The following NR3C2 variants were observed in gnomAD, a reference collection of about 807,000 sequenced individuals.
The protein encoded by NR3C2 is nuclear receptor subfamily 3 group C member 2.
A neutral mutation model predicts 86.4 loss-of-function variants in NR3C2; 15 were observed. That is an observed-to-expected ratio of 0.17 (90% CI 0.12 to 0.27). NR3C2 has a LOEUF of 0.27. Ranked by LOEUF, NR3C2 falls within the 10% of genes least tolerant of loss-of-function variation. The pLI is 1.00. For missense variants in NR3C2, 960 were observed against 1,195.6 expected (o/e 0.80, Z 2.91); for synonymous variants, 458 against 450.5 (o/e 1.02, Z -0.21).
intron 4 of NR3C2, among the ~76,000 whole-genome samples, chr4:148,176,712 C>A (rs1354264276): frequency 2.0e-5 from 3 of 152,144 alleles, no homozygotes; most frequent in Non-Finnish European, 4.4e-5. Flanking sequence ...GCAAGGCCAG[C>A]GCCTACCTTC....
intron 2 of NR3C2, among the ~76,000 whole-genome samples, chr4:148,422,100 A>AT (rs1749310433): frequency 6.6e-6 from 1 of 151,986 alleles, no homozygotes; most frequent in African/African-American, 2.4e-5. Flanking sequence ...GAATCCATTA[A>AT]TTTTTTCAGT....
At chr4:148,206,638 G>T (rs1477763757) in intron 3 of NR3C2, among the ~76,000 whole-genome samples, 3 of 152,170 alleles carry the variant, frequency 2.0e-5, no homozygotes, top group Non-Finnish European at 4.4e-5. Flanking sequence ...TTTGTATATG[G>T]TTATTTTATC....
rs570043057 is a variant in NR3C2, at chr4:148,079,500, A to ATAAT, written c.*1840_*1843dup. 4 of 152,748 alleles carry ATAAT rather than the reference A, an allele frequency of 2.6e-5. No individual in the cohort carries two copies. The South Asian group carries it at 8.3e-4, about 32-fold the overall frequency. The allele number at this position is 152,748 out of a possible 1,614,324, so 9.5% of individuals were successfully genotyped here. On this transcript the variant is annotated 3_prime_UTR_variant, in exon 9 of 9. Transcript: ENST00000358102. The stretch of plus-strand genomic sequence containing the variant: ...AGCTACAGCTTTTAGATTTTGGAAA[A>ATAAT]TAATTAATATGATTTCACTGAGTAA...
intron 2 of NR3C2, among the ~76,000 whole-genome samples, chr4:148,280,899 C>A (rs1407896226): frequency 6.6e-6 from 1 of 152,188 alleles, no homozygotes; most frequent in African/African-American, 2.4e-5. Flanking sequence ...AATGTGTGTA[C>A]TAATTCCTCT....
intron 2 of NR3C2, among the ~76,000 whole-genome samples, chr4:148,355,258 G>T (rs966526208): frequency 6.6e-6 from 1 of 152,068 alleles, no homozygotes; most frequent in African/African-American, 2.4e-5. Flanking sequence ...GAGATTAGAG[G>T]CCCCAAGGAA....
intron 3 of NR3C2, among the ~76,000 whole-genome samples, chr4:148,229,705 C>T (rs1485772368): frequency 2.0e-5 from 3 of 152,190 alleles, no homozygotes; most frequent in Admixed American, 6.5e-5. Context: ...AGCAAAAATA[C>T]ACCCAAATGA....
At chr4:148,444,586 G>A (rs1419996775), upstream of NR3C2, 2 of 988,198 alleles carry the variant, frequency 2.0e-6, no homozygotes, top group East Asian at 1.1e-4. Context: ...GACTCCCGCC[G>A]CCGCTGCTGC....
intron 2 of NR3C2, among the ~76,000 whole-genome samples, chr4:148,381,797 A>T (rs1747003938): frequency 6.6e-6 from 1 of 152,224 alleles, no homozygotes; most frequent in African/African-American, 2.4e-5. Context: ...TGAAAGTACC[A>T]AACCCATTTG....
chr4:148,189,502 T>G (rs1293845465), intron 4 of NR3C2, among the ~76,000 whole-genome samples: 1 of 152,174 alleles, frequency 6.6e-6, no homozygotes, highest in African/African-American at 2.4e-5. Context: ...GTAGTTTTCT[T>G]TTTTTGGTTA....
intron 2 of NR3C2, among the ~76,000 whole-genome samples, chr4:148,415,310 T>C (rs1748937773): frequency 6.6e-6 from 1 of 152,214 alleles, no homozygotes; most frequent in Non-Finnish European, 1.5e-5. Flanking sequence ...ATCATTAATA[T>C]AGAGGAGAAA....
At chr4:148,245,292 C>A (rs777211430) in intron 3 of NR3C2, among the ~76,000 whole-genome samples, 1 of 152,128 alleles carries the variant, frequency 6.6e-6, no homozygotes, top group African/African-American at 2.4e-5. Flanking sequence ...ATTACCAGAT[C>A]TTAATTTTAT....
chr4:148,438,813 TAG>T (rs1750197079), intron 1 of NR3C2, among the ~76,000 whole-genome samples: 1 of 152,176 alleles, frequency 6.6e-6, no homozygotes, highest in African/African-American at 2.4e-5. Flanking sequence ...GTTTTTACAC[TAG>T]AGTTTACCTT....
chr4:148,114,070 C>T, intron 8 of NR3C2, 34 bp downstream of exon 8: 1 of 1,611,000 alleles, frequency 6.2e-7, no homozygotes, highest in South Asian at 1.1e-5. Flanking sequence ...GTTGCTGATC[C>T]TTCACTTAGG....
intron 2 of NR3C2, among the ~76,000 whole-genome samples, chr4:148,405,874 TGG>T (rs781684986): frequency 3.8e-4 from 58 of 152,236 alleles, no homozygotes; most frequent in Non-Finnish European, 7.9e-4. Flanking sequence ...CCAGGCGTAG[TGG>T]CTCACACCTG....
chr4:148,380,157 T>C (rs1219989151), intron 2 of NR3C2, among the ~76,000 whole-genome samples: 7 of 152,228 alleles, frequency 4.6e-5, no homozygotes, highest in Non-Finnish European at 8.8e-5. Context: ...TTCACAAAGT[T>C]GTACAACTAT....
chr4:148,263,256 A>G (rs1200236032), intron 2 of NR3C2, among the ~76,000 whole-genome samples: 6 of 152,210 alleles, frequency 3.9e-5, no homozygotes, highest in Non-Finnish European at 8.8e-5. Flanking sequence ...CATGCTCAAA[A>G]CAATATTTAC....
intron 2 of NR3C2, among the ~76,000 whole-genome samples, chr4:148,353,510 G>A (rs1300695331): frequency 1.3e-5 from 2 of 151,878 alleles, no homozygotes; most frequent in Non-Finnish European, 2.9e-5. Flanking sequence ...ATGAGATACC[G>A]CAAATGCAAG....
chr4:148,400,508 T>C (rs13137647), intron 2 of NR3C2, among the ~76,000 whole-genome samples: 113,405 of 151,886 alleles, frequency 0.75, 42,453 homozygotes, highest in Middle Eastern at 0.84. Flanking sequence ...TGGCCAGGCA[T>C]GGTGGCTCAC....
intron 2 of NR3C2, among the ~76,000 whole-genome samples, chr4:148,413,375 T>C (rs956280873): frequency 6.6e-6 from 1 of 151,858 alleles, no homozygotes; most frequent in African/African-American, 2.4e-5. Context: ...TAAAGAAAAA[T>C]AGAAATACAG....
Sources: allele counts gnomAD v4.1 joint callset (sites outside exome capture counted in the v4.1 genomes callset), GRCh38; gene constraint gnomAD v4.1.1; transcripts MANE v1.5; gene names NCBI Gene and HGNC (gene_info 2026-07-23, HGNC 2026-07-21).